The following DZANK1 variants were observed in gnomAD, a reference collection of about 807,000 sequenced individuals.
The protein encoded by DZANK1 is double zinc ribbon and ankyrin repeat-containing protein 1.
In DZANK1, 91 loss-of-function variants were observed where a neutral mutation model predicts 94.5. That is an observed-to-expected ratio of 0.96 (90% CI 0.81 to 1.15). DZANK1 has a LOEUF of 1.15. Ranked by LOEUF, DZANK1 falls within the 50% of genes most tolerant of loss-of-function variation. The probability of loss-of-function intolerance (pLI) is 0.00; values close to 1 mark genes in which losing one functional copy is unlikely to be tolerated. For synonymous variants in DZANK1, 312 were observed against 325.3 expected, an observed-to-expected ratio of 0.96 and a Z score of 0.44; for missense variants, 903 against 916.4, an observed-to-expected ratio of 0.99 and a Z score of 0.19.
intron 6 of DZANK1, 40 bp downstream of exon 6, chr20:18,452,575 G>A (rs1336706715): frequency 1.3e-5 from 20 of 1,555,416 alleles, no homozygotes; most frequent in Non-Finnish European, 1.6e-5. Flanking sequence ...AAAAATATAG[G>A]AGGTATTTGA....
At chr20:18,390,606 C>T (rs2055908008) in intron 17 of DZANK1, 147 bp from the exon 18 acceptor site, 1 of 689,114 alleles carries the variant, frequency 1.5e-6, no homozygotes, top group South Asian at 1.8e-5. Flanking sequence ...TCTTTAATAG[C>T]CCACAGCACA....
At chr20:18,397,855 C>T (rs948370608) in intron 14 of DZANK1, among the ~76,000 whole-genome samples, 5 of 152,148 alleles carry the variant, frequency 3.3e-5, no homozygotes, top group African/African-American at 1.2e-4. Context: ...AGCAGGGTGG[C>T]TGAGCTCCAA....
At chr20:18,418,069 G>C (rs960809151) in intron 10 of DZANK1, among the ~76,000 whole-genome samples, 2 of 151,936 alleles carry the variant, frequency 1.3e-5, no homozygotes, top group Admixed American at 6.6e-5. Context: ...CTGGGCGACA[G>C]AGCATGACTC....
intron 10 of DZANK1, 37 bp downstream of exon 10, chr20:18,427,030 C>T: frequency 6.9e-7 from 1 of 1,443,326 alleles, no homozygotes; most frequent in African/African-American, 1.4e-5. Context: ...GACATAGTAG[C>T]CACTAAATAT....
chr20:18,396,400 G>C (rs944845921), intron 15 of DZANK1, 72 bp downstream of exon 15: 1 of 1,258,982 alleles, frequency 7.9e-7, no homozygotes, highest in African/African-American at 1.5e-5. Context: ...TTACACAGAA[G>C]CATTTCTATA....
intron 8 of DZANK1, among the ~76,000 whole-genome samples, chr20:18,440,089 A>C (rs1030595763): frequency 6.6e-6 from 1 of 152,182 alleles, no homozygotes; most frequent in Non-Finnish European, 1.5e-5. Flanking sequence ...ACACATCAGG[A>C]AGGCAGCCGT....
chr20:18,438,439 T>C (rs1372702099), intron 8 of DZANK1, among the ~76,000 whole-genome samples: 1 of 152,106 alleles, frequency 6.6e-6, no homozygotes, highest in African/African-American at 2.4e-5. Context: ...TGCTGTCTAC[T>C]AGAAACACAC....
At chr20:18,426,957 C>A (rs1292573983) in intron 10 of DZANK1, 110 bp downstream of exon 10, 4 of 615,214 alleles carry the variant, frequency 6.5e-6, no homozygotes, top group South Asian at 4.9e-5. Context: ...CCATGAGAAG[C>A]TTTTTTTGGT....
intron 8 of DZANK1, among the ~76,000 whole-genome samples, chr20:18,435,733 C>T: frequency 6.6e-6 from 1 of 150,690 alleles, no homozygotes; most frequent in Non-Finnish European, 1.5e-5. Flanking sequence ...GCATGTTCTG[C>T]ACATGTATCC....
intron 7 of DZANK1, among the ~76,000 whole-genome samples, chr20:18,444,855 C>A (rs2058823552): frequency 6.6e-6 from 1 of 152,064 alleles, no homozygotes; most frequent in Admixed American, 6.5e-5. Context: ...GATTGGAGTG[C>A]AGTGGCATGA....
At chr20:18,384,089 T>C in exon 21 of DZANK1, 1 of 187,512 alleles carries the variant, frequency 5.3e-6, no homozygotes, top group East Asian at 1.4e-4. Flanking sequence ...GATGGAGTTT[T>C]GCTCTTGTTG....
rs1047481116 is a variant in DZANK1, at chr20:18,393,823, C to T, written c.1709-12G>A. 2 of 1,579,802 alleles carry T rather than the reference C, an allele frequency of 1.3e-6. No homozygotes were observed. Among genetic ancestry groups the T allele is most frequent in the East Asian group, 2.2e-5 (1 of 44,664 alleles). On this transcript the variant is annotated splice_polypyrimidine_tract_variant and intron_variant, in intron 16 of 20. Transcript: ENST00000262547. ...GCTGTAGTCACTCACTGAAATGACA[C>T]AGTTGGGGAAAAAAATGATGCCCCT...
chr20:18,447,622 C>G (rs900830341), intron 7 of DZANK1, among the ~76,000 whole-genome samples: 2 of 152,024 alleles, frequency 1.3e-5, no homozygotes, highest in Middle Eastern at 3.2e-3. Context: ...GCCACTGCAC[C>G]CGGACTATAA....
At chr20:18,458,192 A>C (rs983491736) in intron 3 of DZANK1, among the ~76,000 whole-genome samples, 4 of 152,206 alleles carry the variant, frequency 2.6e-5, no homozygotes, top group Non-Finnish European at 5.9e-5. Context: ...AACTGCTCAG[A>C]TTTCTTACAT....
At position 18,453,598 on chromosome 20, in the gene DZANK1, A is replaced by G; in HGVS notation, c.475+133T>C. The G allele has an allele frequency of 4.6e-6, 3 of 654,736 alleles. No individual in the cohort carries two copies. The South Asian group carries it at 5.7e-5, about 12-fold the overall frequency. 40.6% of individuals were successfully genotyped at this position (654,736 alleles called of 1,614,324 possible). On this transcript the variant is annotated intron_variant, in intron 5 of 20. Coordinates refer to ENST00000262547, the Ensembl canonical transcript of DZANK1. ...CAAGGACGTCATTAAAATTCAAAGT[A>G]CAGCATACTTTCCTGCCCCAGTGTT...
chr20:18,406,806 G>A (rs2056988133), intron 13 of DZANK1, among the ~76,000 whole-genome samples: 1 of 152,202 alleles, frequency 6.6e-6, no homozygotes. Context: ...CTGGGCCAGA[G>A]GGGAGCCCAC....
At chr20:18,407,052 T>C (rs749307148) in intron 13 of DZANK1, among the ~76,000 whole-genome samples, 9 of 152,124 alleles carry the variant, frequency 5.9e-5, no homozygotes, top group Non-Finnish European at 1.0e-4. Flanking sequence ...ATCAAGTAAA[T>C]AATTATGTTT....
chr20:18,390,642 G>A (rs2097448485), intron 17 of DZANK1, among the ~76,000 whole-genome samples, 183 bp from the exon 18 acceptor site: 1 of 152,158 alleles, frequency 6.6e-6, no homozygotes, highest in Non-Finnish European at 1.5e-5. Context: ...TATCAATCTT[G>A]CTGCTCCAAA....
At chr20:18,426,891 A>G (rs2058067223) in intron 10 of DZANK1, among the ~76,000 whole-genome samples, 176 bp downstream of exon 10, 1 of 152,216 alleles carries the variant, frequency 6.6e-6, no homozygotes, top group Non-Finnish European at 1.5e-5. Flanking sequence ...GACTTTGAAA[A>G]CAATTTGTAT....
Sources: gnomAD v4.1 joint callset for allele counts (sites outside exome capture counted in the v4.1 genomes callset) on GRCh38, gnomAD v4.1.1 for gene constraint, MANE v1.5 for transcripts, NCBI Gene and HGNC (gene_info 2026-07-23, HGNC 2026-07-21) for gene names.